The following IL12RB1 variants were observed in gnomAD, a reference collection of about 807,000 sequenced individuals.
The protein encoded by IL12RB1 is interleukin 12 receptor subunit beta 1.
IL12RB1 carries 64 observed loss-of-function variants against 94.4 expected under a neutral mutation model. The ratio of observed to expected loss-of-function variants is 0.68; its 90% CI spans 0.55 to 0.83. The LOEUF is 0.83. Among genes scored for constraint, IL12RB1 ranks in the 40% least tolerant of loss-of-function variants. The pLI, the probability that IL12RB1 is intolerant of heterozygous loss-of-function variation, is 0.00. For missense variants in IL12RB1, 814 were observed against 855.6 expected (o/e 0.95, Z 0.61); for synonymous variants, 362 against 355.5 (o/e 1.02, Z -0.21).
At chr19:18,066,044 TAAAA>T (rs76051228) in intron 12 of IL12RB1, among the ~76,000 whole-genome samples, 3 of 131,900 alleles carry the variant, frequency 2.3e-5, no homozygotes, top group African/African-American at 7.9e-5. Context: ...TCTATAAAAT[TAAAA>T]AAAAAAAAAA....
chr19:18,073,630 T>C, intron 7 of IL12RB1, 31 bp from the exon 8 acceptor site: 2 of 1,319,402 alleles, frequency 1.5e-6, no homozygotes, highest in Middle Eastern at 1.8e-4. Context: ...ACTAGACGAA[T>C]TGGAAGGAGA....
At chr19:18,059,726 C>A in intron 16 of IL12RB1, 113 bp from the exon 17 acceptor site, 1 of 752,860 alleles carries the variant, frequency 1.3e-6, no homozygotes, top group Non-Finnish European at 2.5e-6. Context: ...TAATAACCAG[C>A]CGTTGTGATT....
intron 1 of IL12RB1, among the ~76,000 whole-genome samples, chr19:18,095,833 C>T (rs1297406904): frequency 2.0e-5 from 3 of 152,128 alleles, no homozygotes; most frequent in African/African-American, 7.2e-5. Context: ...AGGGTCCCCT[C>T]GAGCCTGAAA....
chr19:18,072,764 G>A (rs541773252), intron 8 of IL12RB1, among the ~76,000 whole-genome samples: 43 of 151,986 alleles, frequency 2.8e-4, no homozygotes, highest in Non-Finnish European at 5.9e-4. Flanking sequence ...TGGCTAACAC[G>A]GTGAAACCCC....
intron 1 of IL12RB1, among the ~76,000 whole-genome samples, chr19:18,094,199 G>A (rs1333538317): frequency 6.6e-6 from 1 of 152,182 alleles, no homozygotes. Flanking sequence ...CACTATCTCA[G>A]CTCACTGCAA....
At chr19:18,084,283 T>TATCC (rs201729346) in intron 1 of IL12RB1, among the ~76,000 whole-genome samples, 35,291 of 129,106 alleles carry the variant, frequency 0.27, 4,432 homozygotes, top group East Asian at 0.3. Flanking sequence ...CCCATCCATC[T>TATCC]ATCCATCCAT....
Position 18,068,387 on chromosome 19 carries a change from A to G in IL12RB1, c.1327+2T>C. On this transcript the variant is annotated splice_donor_variant, in intron 11 of 16. Coordinates refer to ENST00000593993, the MANE Select transcript of IL12RB1 (RefSeq NM_005535.3). LOFTEE classifies it high-confidence loss of function. ...GTAAACCTGCAGGTTTGGGTCACTT[A>G]CCATTGCCCCCAAAGTGGTAGGTGG... is the stretch of plus-strand genomic sequence containing the variant. The G allele has an allele frequency of 1.9e-6, 3 of 1,607,366 alleles. No homozygotes were observed. Among genetic ancestry groups the G allele is most frequent in the Non-Finnish European group, 1.7e-6 (2 of 1,177,142 alleles).
intron 10 of IL12RB1, 27 bp downstream of exon 10, chr19:18,069,519 T>A: frequency 1.9e-6 from 3 of 1,578,890 alleles, no homozygotes; most frequent in Non-Finnish European, 2.6e-6. Flanking sequence ...AGAGGAGGGG[T>A]AGGCGCAGGC....
At chr19:18,067,052 G>A (rs916667935) in intron 11 of IL12RB1, among the ~76,000 whole-genome samples, 5 of 143,320 alleles carry the variant, frequency 3.5e-5, no homozygotes, top group South Asian at 2.2e-4. Flanking sequence ...GCCCAGCCAC[G>A]ATGGCTCATG....
At chr19:18,088,229 T>C (rs551913349), upstream of IL12RB1, among the ~76,000 whole-genome samples, 1 of 151,528 alleles carries the variant, frequency 6.6e-6, no homozygotes, top group Admixed American at 6.6e-5. Context: ...CTACTGAAAA[T>C]ACAAAAATTA....
At chr19:18,074,529 C>G (rs895498066) in intron 7 of IL12RB1, among the ~76,000 whole-genome samples, 5 of 152,134 alleles carry the variant, frequency 3.3e-5, no homozygotes, top group African/African-American at 1.2e-4. Context: ...GGGAGGATCA[C>G]TTGAGGCCAG....
upstream of IL12RB1, among the ~76,000 whole-genome samples, chr19:18,091,089 G>A (rs926490546): frequency 2.6e-5 from 4 of 152,130 alleles, no homozygotes; most frequent in East Asian, 1.9e-4. Context: ...CTCCGAGGGC[G>A]GTAGGGAGCC....
chr19:18,069,612 C>T lies in IL12RB1; in HGVS notation c.1123G>A (p.Gly375Ser). ...MTYCIEWQPV[G>S]QDGGLATCSL... is the part of the protein sequence containing the mutation. ...CAGGTGGCAAGGCCCCCGTCCTGGC[C>T]CACAGGCTGCCATTCAATGCAATAC... The change falls in exon 10 of 17, where the codon GGC (glycine) becomes AGC (serine). Residue 375 changes from glycine to serine, a missense_variant. Transcript: ENST00000593993. 6.2e-7 allele frequency: 1 copy of T among 1,613,264 alleles called. No homozygotes were observed.
At chr19:18,078,596 G>C (rs2035653589) in intron 4 of IL12RB1, among the ~76,000 whole-genome samples, 1 of 150,640 alleles carries the variant, frequency 6.6e-6, no homozygotes, top group Admixed American at 6.6e-5. Context: ...TTACAAAAGT[G>C]CCTGTCTCTT....
At chr19:18,064,319 G>T (rs7247941) in intron 12 of IL12RB1, among the ~76,000 whole-genome samples, 16,133 of 147,932 alleles carry the variant, frequency 0.11, 960 homozygotes, top group East Asian at 0.26. Context: ...TTTTGTATTT[G>T]TAGTAGAGAC....
upstream of IL12RB1, among the ~76,000 whole-genome samples, chr19:18,090,180 G>T (rs1020980403): frequency 6.6e-6 from 1 of 152,170 alleles, no homozygotes; most frequent in Non-Finnish European, 1.5e-5. Context: ...GGGCAACATG[G>T]TGAGACTCCA....
chr19:18,068,017 C>CTTT lies in IL12RB1; in HGVS notation c.1327+369_1327+371dup, dbSNP rs1216685125. ...TTCTGTCTGCCTTAACAGCATTGTC[C>CTTT]TTTTTTTTTTTTTTTTTTTTTTTTT... On this transcript the variant is annotated intron_variant, in intron 11 of 16. Transcript: ENST00000593993. Among the ~76,000 whole-genome samples, 164 of 59,860 alleles carry CTTT rather than the reference C, an allele frequency of 2.7e-3. 34 individuals carry two copies. Among genetic ancestry groups the CTTT allele is most frequent in the African/African-American group, 9.4e-3 (135 of 14,286 alleles). 39.3% of individuals were successfully genotyped at this position (59,860 alleles called of 152,430 possible).
chr19:18,059,851 C>T, intron 16 of IL12RB1, 43 bp downstream of exon 16: 1 of 1,091,556 alleles, frequency 9.2e-7, no homozygotes, highest in East Asian at 2.6e-5. Context: ...ACCCCCCGGG[C>T]AGGGTTGCAC....
intron 1 of IL12RB1, among the ~76,000 whole-genome samples, chr19:18,093,321 A>G (rs1006891213): frequency 1.4e-5 from 2 of 138,938 alleles, no homozygotes; most frequent in Non-Finnish European, 3.1e-5. Context: ...ACAAAAAACA[A>G]AAAAACACAA....
Sources: gnomAD v4.1 joint callset for allele counts (sites outside exome capture counted in the v4.1 genomes callset) on GRCh38, gnomAD v4.1.1 for gene constraint, MANE v1.5 for transcripts, NCBI Gene and HGNC (gene_info 2026-07-23, HGNC 2026-07-21) for gene names.